The following RARB variants were observed in gnomAD, a reference collection of about 807,000 sequenced individuals.
The protein encoded by RARB is retinoic acid receptor beta.
In RARB, 17 loss-of-function variants were observed where a neutral mutation model predicts 51.9. The ratio of observed to expected loss-of-function variants is 0.33; its 90% CI spans 0.22 to 0.49. The LOEUF is 0.49. RARB is among the 20% of genes least tolerant of loss of function. The pLI, the probability that RARB is intolerant of heterozygous loss-of-function variation, is 0.99. For synonymous variants in RARB, 215 were observed against 195.4 expected (o/e 1.10, Z -0.84); for missense variants, 369 against 550.8 (o/e 0.67, Z 3.30).
chr3:25,108,464 C>T lies in RARB; in HGVS notation c.-327-23697C>T, dbSNP rs114223558. Among the ~76,000 whole-genome samples, 628 of 152,154 alleles carry T rather than the reference C, an allele frequency of 4.1e-3. 4 individuals are homozygous for T. The highest frequency in any genetic ancestry group is 0.014 in the African/African-American group (588 of 41,514). ...GTATCTTGATGTCATCTGTATCCAC[C>T]CAGAGGAAGAAGAAACAGATAGATA... On this transcript the variant is annotated intron_variant, in intron 3 of 11. Coordinates refer to the RARB transcript ENST00000383772.
At chr3:25,136,223 G>C (rs1249707073) in intron 4 of RARB, among the ~76,000 whole-genome samples, 1 of 151,926 alleles carries the variant, frequency 6.6e-6, no homozygotes, top group Non-Finnish European at 1.5e-5. Context: ...TTACTCAAAG[G>C]GCTTATTAAA....
chr3:25,151,780 T>A (rs932720076), intron 4 of RARB, among the ~76,000 whole-genome samples: 7 of 152,232 alleles, frequency 4.6e-5, no homozygotes, highest in African/African-American at 1.7e-4. Context: ...GGAATGTTTG[T>A]TATTAGATTG....
intron 1 of RARB, among the ~76,000 whole-genome samples, chr3:24,856,253 A>G (rs920510346): frequency 6.6e-6 from 1 of 152,102 alleles, no homozygotes; most frequent in Non-Finnish European, 1.5e-5. Flanking sequence ...TAGACCTACC[A>G]TGGCATGCTT....
At chr3:25,579,124 C>G (rs1701065515) in intron 4 of RARB, among the ~76,000 whole-genome samples, 1 of 152,214 alleles carries the variant, frequency 6.6e-6, no homozygotes, top group African/African-American at 2.4e-5. Flanking sequence ...ATATCACCAC[C>G]TCTTTACAGT....
Position 25,388,706 on chromosome 3 carries a change from G to A in RARB, c.179-72487G>A, listed in dbSNP as rs148181205. Among the ~76,000 whole-genome samples, 1,496 of 152,294 alleles carry A rather than the reference G, an allele frequency of 9.8e-3. 11 individuals are homozygous for A. The highest frequency in any genetic ancestry group is 0.015 in the Non-Finnish European group (1,027 of 68,018). ...TTCACAGAGAGCTTAGCATAAGAAA[G>A]TAGTTTAACTGTACAAGGGAAGCCT... is the stretch of plus-strand genomic sequence containing the variant. On this transcript the variant is annotated intron_variant, in intron 5 of 11. Coordinates refer to the RARB transcript ENST00000383772.
chr3:25,551,905 C>G (rs1218776731), intron 3 of RARB, among the ~76,000 whole-genome samples: 1 of 152,198 alleles, frequency 6.6e-6, no homozygotes, highest in African/African-American at 2.4e-5. Context: ...AGAGGGGAAT[C>G]CCAGTCCATG....
At chr3:25,261,763 T>A (rs886126613) in intron 5 of RARB, among the ~76,000 whole-genome samples, 1 of 152,172 alleles carries the variant, frequency 6.6e-6, no homozygotes, top group Admixed American at 6.5e-5. Flanking sequence ...ACTCTAGAAA[T>A]GCAGAGGTCA....
chr3:24,833,436 A>T (rs1282308196), intron 1 of RARB, among the ~76,000 whole-genome samples: 1 of 152,084 alleles, frequency 6.6e-6, no homozygotes, highest in Admixed American at 6.6e-5. Flanking sequence ...CGCTTTAGGT[A>T]ATATCTTTCA....
chr3:25,274,515 T>C (rs554529200), intron 5 of RARB, among the ~76,000 whole-genome samples: 1 of 152,282 alleles, frequency 6.6e-6, no homozygotes, highest in Admixed American at 6.5e-5. Context: ...AGTAAAAAGA[T>C]GGGAAAACTA....
chr3:25,051,971 A>G (rs918948667), intron 2 of RARB, among the ~76,000 whole-genome samples: 21 of 152,200 alleles, frequency 1.4e-4, no homozygotes, highest in African/African-American at 5.1e-4. Flanking sequence ...AATATATTTG[A>G]CACTCATGCT....
intron 5 of RARB, among the ~76,000 whole-genome samples, chr3:25,586,889 C>T (rs1017673811): frequency 5.9e-5 from 9 of 152,198 alleles, no homozygotes; most frequent in African/African-American, 2.2e-4. Context: ...TGTGCCATCA[C>T]GAGGAGGCCC....
In RARB at chr3:25,151,601, G is replaced by C. The variant is rs561693732; in HGVS notation, c.-280+19393G>C. On this transcript the variant is annotated intron_variant, in intron 4 of 11. Transcript: ENST00000383772. ...TTAGGAGATTGGTACAGACGATTCA[G>C]CATTATATGCGTGTTCTTCTCAGAT... Among the ~76,000 whole-genome samples, 15 of 152,304 alleles carry C rather than the reference G, an allele frequency of 9.8e-5. No homozygotes were observed. In the South Asian group the frequency reaches 2.9e-3, roughly 29 times the overall value.
chr3:24,912,853 A>G (rs1187928219), intron 2 of RARB, among the ~76,000 whole-genome samples: 3 of 152,102 alleles, frequency 2.0e-5, no homozygotes, highest in Non-Finnish European at 2.9e-5. Context: ...AGTGTAACTT[A>G]AGTTTCTCAA....
intron 3 of RARB, among the ~76,000 whole-genome samples, chr3:25,517,676 A>C (rs1575480368): frequency 1.3e-5 from 2 of 152,232 alleles, no homozygotes; most frequent in African/African-American, 4.8e-5. Flanking sequence ...ACATGTATCT[A>C]CACAGAAAGT....
At chr3:25,219,583 C>T (rs1165011866) in intron 5 of RARB, among the ~76,000 whole-genome samples, 3 of 152,160 alleles carry the variant, frequency 2.0e-5, no homozygotes, top group South Asian at 4.2e-4. Flanking sequence ...TCCTTTGTTG[C>T]TGTTTGATCA....
In RARB at chr3:25,583,853, C is replaced by T. The variant is rs1701283087; in HGVS notation, c.786+3131C>T. On this transcript the variant is annotated intron_variant, in intron 5 of 7. Coordinates refer to ENST00000330688, the MANE Select transcript of RARB (RefSeq NM_000965.5). ...ATTAAGACAGGCAGCCTCTTCATAA[C>T]CACTGCAGATGGGTTTTTTATGTTT... is the stretch of plus-strand genomic sequence containing the variant. Among the ~76,000 whole-genome samples the T allele has an allele frequency of 2.0e-5, 3 of 152,306 alleles. No individual in the cohort carries two copies. The South Asian group carries it at 6.2e-4, about 32-fold the overall frequency.
intron 5 of RARB, among the ~76,000 whole-genome samples, chr3:25,309,366 C>A (rs1480200729): frequency 6.6e-6 from 1 of 151,064 alleles, no homozygotes; most frequent in Non-Finnish European, 1.5e-5. Flanking sequence ...GTCTCGATCT[C>A]CTGACCTCGT....
chr3:25,057,217 G>A (rs936677961), intron 2 of RARB, among the ~76,000 whole-genome samples: 22 of 152,004 alleles, frequency 1.4e-4, no homozygotes, highest in African/African-American at 5.3e-4. Flanking sequence ...AGCCCGTGTT[G>A]GCAGTCATAA....
At chr3:25,330,502 C>T (rs966283418) in intron 5 of RARB, among the ~76,000 whole-genome samples, 2 of 152,166 alleles carry the variant, frequency 1.3e-5, no homozygotes, top group Non-Finnish European at 1.5e-5. Context: ...CCTACAAGAG[C>T]TCCTGAAGGA....
Sources: gnomAD v4.1 joint callset for allele counts (sites outside exome capture counted in the v4.1 genomes callset) on GRCh38, gnomAD v4.1.1 for gene constraint, MANE v1.5 for transcripts, NCBI Gene and HGNC (gene_info 2026-07-23, HGNC 2026-07-21) for gene names.